The following THNSL1 variants were observed in gnomAD, a reference collection of about 807,000 sequenced individuals.
THNSL1 encodes threonine synthase like 1.
A neutral mutation model predicts 50.4 loss-of-function variants in THNSL1; 48 were observed. The ratio of observed to expected loss-of-function variants is 0.95; its 90% CI spans 0.76 to 1.21. The LOEUF is 1.21. Among genes scored for constraint, THNSL1 ranks in the 50% most tolerant of loss-of-function variants. The probability of loss-of-function intolerance (pLI) is 0.00; values close to 1 mark genes in which losing one functional copy is unlikely to be tolerated. For synonymous variants in THNSL1, 309 were observed against 306.1 expected (o/e 1.01, Z -0.10); for missense variants, 896 against 871.7 (o/e 1.03, Z -0.35).
At chr10:24,992,925 T>C in the THNSL1 span, among the ~76,000 whole-genome samples, 1 of 152,272 alleles carries the variant, frequency 6.6e-6, no homozygotes, top group Admixed American at 6.5e-5. Context: ...TACAGCTTAG[T>C]ACAATAATGG....
At chr10:25,023,100 G>T in intron 2 of THNSL1, 76 bp from the exon 3 acceptor site, 2 of 893,498 alleles carry the variant, frequency 2.2e-6, no homozygotes, top group Non-Finnish European at 3.4e-6. Context: ...CAGTCCTATT[G>T]GGATTTTAAC....
At chr10:24,988,631 GCTGGC>G in the THNSL1 span, among the ~76,000 whole-genome samples, 1 of 90,474 alleles carries the variant, frequency 1.1e-5, no homozygotes, top group South Asian at 3.6e-4. Flanking sequence ...TAGATCTTTA[GCTGGC>G]CTGAAAATGT....
chr10:24,971,079 C>T, the THNSL1 span, among the ~76,000 whole-genome samples: 1 of 151,218 alleles, frequency 6.6e-6, no homozygotes, highest in African/African-American at 2.4e-5. Context: ...AACAAACCAT[C>T]AAAGAGGGCA....
chr10:24,956,988 T>A, the THNSL1 span, among the ~76,000 whole-genome samples: 1 of 152,138 alleles, frequency 6.6e-6, no homozygotes, highest in African/African-American at 2.4e-5. Flanking sequence ...ATGGAACAGT[T>A]TCATCCTGAA....
chr10:25,015,840 G>C (rs759298634), upstream of THNSL1: 8 of 1,586,644 alleles, frequency 5.0e-6, no homozygotes, highest in Non-Finnish European at 6.9e-6. Flanking sequence ...TCAAGTGATA[G>C]TCTTTGCTTA....
At chr10:24,976,856 C>T in the THNSL1 span, among the ~76,000 whole-genome samples, 1 of 152,090 alleles carries the variant, frequency 6.6e-6, no homozygotes, top group African/African-American at 2.4e-5. Context: ...AGCTGCCTGT[C>T]ATCTCAATAA....
chr10:25,001,244 A>G, the THNSL1 span, among the ~76,000 whole-genome samples: 4 of 151,934 alleles, frequency 2.6e-5, no homozygotes, highest in African/African-American at 9.7e-5. Context: ...TCGTTTCTAA[A>G]GATAAATTTA....
rs766823363 is a variant in THNSL1 at position 25,023,916 on chromosome 10, C to T, written c.693C>T (p.Phe231=). 4.3e-6 allele frequency: 7 copies of T among 1,614,154 alleles called. No individual in the cohort carries two copies. The Middle Eastern group carries it at 8.2e-4, about 190-fold the overall frequency. ...KRYQDVDSET[F]ISTRHVWPED... is the part of the protein sequence containing the mutation. ...ACCAAGATGTGGACTCGGAAACATT[C>T]ATTTCAACAAGACACGTTTGGCCTG... The change falls in exon 3 of 3, where the codon TTC becomes TTT. Residue 231 remains phenylalanine (F), a synonymous_variant. Transcript: ENST00000376356.
At chr10:25,012,837 T>C (rs993490364), upstream of THNSL1, among the ~76,000 whole-genome samples, 4 of 152,108 alleles carry the variant, frequency 2.6e-5, no homozygotes, top group Admixed American at 2.6e-4. Flanking sequence ...AAGGTATGAT[T>C]GGTTTTGAAA....
At chr10:24,990,664 T>C in the THNSL1 span, 3 of 1,493,334 alleles carry the variant, frequency 2.0e-6, no homozygotes, top group Non-Finnish European at 2.7e-6. Flanking sequence ...ATCTTACATA[T>C]GGGTACGTAT....
upstream of THNSL1, chr10:25,015,710 C>T: frequency 1.4e-6 from 1 of 695,870 alleles, no homozygotes; most frequent in Middle Eastern, 4.4e-4. Flanking sequence ...ATATTTCGAC[C>T]TTTTCTCTAA....
chr10:25,002,890 T>C, the THNSL1 span, among the ~76,000 whole-genome samples: 1 of 151,786 alleles, frequency 6.6e-6, no homozygotes, highest in Non-Finnish European at 1.5e-5. Context: ...GCAGATATGG[T>C]CTCGTGATTA....
chr10:24,967,401 C>T, the THNSL1 span, among the ~76,000 whole-genome samples: 79 of 152,290 alleles, frequency 5.2e-4, no homozygotes, highest in East Asian at 0.015. Context: ...GCTCTTACAA[C>T]TGAGAATAAA....
the THNSL1 span, among the ~76,000 whole-genome samples, chr10:24,964,516 AC>A: frequency 6.6e-6 from 1 of 152,164 alleles, no homozygotes; most frequent in African/African-American, 2.4e-5. Context: ...AAAATTAGAG[AC>A]CTGCACTTTC....
chr10:24,983,101 A>G, the THNSL1 span: 5 of 152,222 alleles, frequency 3.3e-5, no homozygotes, highest in African/African-American at 1.2e-4. Flanking sequence ...GAGTCACCAG[A>G]CAAAAGGAGA....
the THNSL1 span, among the ~76,000 whole-genome samples, chr10:25,008,217 G>A: frequency 2.0e-5 from 3 of 151,976 alleles, no homozygotes; most frequent in South Asian, 6.2e-4. Context: ...GCAGCAATGG[G>A]AATTTTAGCA....
At position 25,024,192 on chromosome 10, in the gene THNSL1, C is replaced by CCA; in HGVS notation, c.969_970insCA (p.Cys324HisfsTer51). On this transcript the variant is annotated frameshift_variant, in exon 3 of 3. Coordinates refer to ENST00000376356, the MANE Select transcript of THNSL1 (RefSeq NM_024838.5). LOFTEE classifies it high-confidence loss of function. The stretch of plus-strand genomic sequence containing the variant: ...AAACTGCTTATGGGGAAAACTTTGC[C>CCA]TGCTCAAAAATTGCTCCTGTCAGGC... 1 of 1,614,196 alleles carries CCA rather than the reference C, an allele frequency of 6.2e-7. No individual in the cohort carries two copies. Among genetic ancestry groups the CCA allele is most frequent in the East Asian group, 2.2e-5 (1 of 44,890 alleles).
the THNSL1 span, among the ~76,000 whole-genome samples, chr10:24,987,006 C>T: frequency 1.3e-5 from 2 of 152,204 alleles, no homozygotes; most frequent in Non-Finnish European, 1.5e-5. Flanking sequence ...TTTGCACCCT[C>T]GCCCACCCCC....
chr10:24,960,705 G>A, the THNSL1 span, among the ~76,000 whole-genome samples: 4 of 151,848 alleles, frequency 2.6e-5, no homozygotes, highest in South Asian at 2.1e-4. Flanking sequence ...CCCTCACCAC[G>A]CCTAATCCTC....
Sources: gnomAD v4.1 joint callset for allele counts (sites outside exome capture counted in the v4.1 genomes callset) on GRCh38, gnomAD v4.1.1 for gene constraint, MANE v1.5 for transcripts, NCBI Gene and HGNC (gene_info 2026-07-23, HGNC 2026-07-21) for gene names.